MYORG: variants seen among roughly 807,000 people sequenced by gnomAD.
MYORG encodes the protein alpha-galactosidase MYORG.
MYORG carries 45 observed loss-of-function variants against 49.8 expected under a neutral mutation model. The observed-to-expected ratio is 0.90, with a 90% confidence interval of 0.71 to 1.16. MYORG has a LOEUF of 1.16. Ranked by LOEUF, MYORG falls within the 50% of genes most tolerant of loss-of-function variation. The pLI is 0.00. For missense variants in MYORG, 1,110 were observed against 1,026.5 expected, an observed-to-expected ratio of 1.08 and a Z score of -1.11; for synonymous variants, 552 against 462.9, an observed-to-expected ratio of 1.19 and a Z score of -2.47.
In MYORG at chr9:34,367,967, G is replaced by C. The variant is rs1820525640; in HGVS notation, c.*2832C>G. 2 of 152,212 alleles carry C rather than the reference G, an allele frequency of 1.3e-5. No individual in the cohort carries two copies. The highest frequency in any genetic ancestry group is 1.3e-4 in the Admixed American group (2 of 15,288). 9.4% of individuals were successfully genotyped at this position (152,212 alleles called of 1,614,324 possible). A position where few individuals can be genotyped will look rare whatever the true frequency, so the allele number is the denominator to read the frequency against. On this transcript the variant is annotated 3_prime_UTR_variant, in exon 2 of 2. Coordinates refer to ENST00000297625, the MANE Select transcript of MYORG (RefSeq NM_020702.5). ...AGCAAACTTCTGCCTGGACATACAT[G>C]CATTTCCATACATTCTCTGAAATCT...
rs1337257651 is a variant in MYORG at position 34,371,762 on chromosome 9, A to T, written c.1182T>A (p.Phe394Leu). The T allele has an allele frequency of 1.2e-6, 2 of 1,613,716 alleles. No individual in the cohort carries two copies. The highest frequency in any genetic ancestry group is 4.5e-5 in the East Asian group (2 of 44,878). The change falls in exon 2 of 2, where the codon TTT becomes TTA. Residue 394 changes from phenylalanine (F) to leucine (L), a missense_variant. By Grantham distance (22) the Phe-to-Leu change is conservative. Transcript: ENST00000297625. ...CGAAGCGCGACGAGTTGTAGTTGAC[A>T]AAAGGGTGCACCCAGAGCGTGACGC... ...GFRVTLWVHPFVNYNSSRFGE... is the reference protein window; with the variant it reads ...GFRVTLWVHPLVNYNSSRFGE...
At position 34,371,800 on chromosome 9, in the gene MYORG, C is replaced by G; in HGVS notation, c.1144G>C (p.Asp382His). Residue 382 changes from aspartate (D) to histidine (H), a missense_variant, in exon 2 of 2, where the codon GAC (aspartate) becomes CAC (histidine). Physicochemically the swap from Asp to His is moderately conservative, Grantham distance 81. Transcript: ENST00000297625. Reference protein sequence around the residue: ...NASDMFRRLRDAGFRVTLWVH... With the variant: ...NASDMFRRLRHAGFRVTLWVH... ...CAGAGCGTGACGCGGAAGCCGGCGT[C>G]GCGCAGGCGGCGGAACATGTCGCTG... 6.2e-7 allele frequency: 1 copy of G among 1,613,984 alleles called. No individual in the cohort carries two copies. Among genetic ancestry groups the G allele is most frequent in the South Asian group, 1.1e-5 (1 of 91,080 alleles).
In MYORG at chr9:34,372,527, G is replaced by A. The variant is rs1480750582; in HGVS notation, c.417C>T (p.Asp139=). The part of the protein sequence containing the change: ...GALLGCSLTA[D]GLPLHFFIQT... Reference sequence around the variant, plus strand: ...GGATGAAGAAGTGCAGCGGCAGCCCGTCGGCCGTGAGCGAGCAGCCCAGCA... The same window carrying A: ...GGATGAAGAAGTGCAGCGGCAGCCCATCGGCCGTGAGCGAGCAGCCCAGCA... The change falls in exon 2 of 2, where the codon GAC becomes GAT. Residue 139 remains aspartate (D), a synonymous_variant. Transcript: ENST00000297625. 4 of 1,600,734 alleles carry A rather than the reference G, an allele frequency of 2.5e-6. No individual in the cohort carries two copies. The highest frequency in any genetic ancestry group is 3.4e-6 in the Non-Finnish European group (4 of 1,174,518).
rs1820538605 is a variant in MYORG at position 34,368,816 on chromosome 9, T to C, written c.*1983A>G. 2 of 152,664 alleles carry C rather than the reference T, an allele frequency of 1.3e-5. No individual in the cohort carries two copies. The highest frequency in any genetic ancestry group is 4.8e-5 in the African/African-American group (2 of 41,464). 9.5% of individuals were successfully genotyped at this position (152,664 alleles called of 1,614,324 possible). A position where few individuals can be genotyped will look rare whatever the true frequency, so the allele number is the denominator to read the frequency against. On this transcript the variant is annotated 3_prime_UTR_variant, in exon 2 of 2. Transcript: ENST00000297625. ...CAGTTCCAAAGTTGCTTCCACATTT[T>C]TGGGTATTTACAGCAGCGCCCCACT...
chr9:34,371,318 G>T lies in MYORG; in HGVS notation c.1626C>A (p.Ser542Arg). The change falls in exon 2 of 2, where the codon AGC becomes AGA. Residue 542 changes from serine (S) to arginine (R), a missense_variant. Ser to Arg is a moderately radical substitution (Grantham distance 110). Coordinates refer to ENST00000297625, the MANE Select transcript of MYORG (RefSeq NM_020702.5). ...RSLIPAVLTV[S>R]MLGYPFILPD... ...GTAGGATGAATGGGTAGCCCAGCAT[G>T]CTGACGGTGAGCACCGCGGGGATGA... The T allele has an allele frequency of 6.2e-7, 1 of 1,612,466 alleles. No individual in the cohort carries two copies. Among genetic ancestry groups the T allele is most frequent in the South Asian group, 1.1e-5 (1 of 90,872 alleles).
chr9:34,370,964 C>G lies in MYORG; in HGVS notation c.1980G>C (p.Leu660=), dbSNP rs781663487. Residue 660 remains leucine, a synonymous_variant, in exon 2 of 2, where the codon CTG becomes CTC. Transcript: ENST00000297625. The part of the protein sequence containing the change: ...IDSQFLIGDT[L]LVAPVLEPGK... ...CTGGCTCCAGCACCGGGGCCACAAG[C>G]AGCGTGTCCCCAATAAGGAACTGCG... 26 of 1,613,586 alleles carry G rather than the reference C, an allele frequency of 1.6e-5. No homozygotes were observed. In the South Asian group the frequency reaches 2.2e-4, roughly 14 times the overall value.
rs751961772 is a variant in MYORG at position 34,372,580 on chromosome 9, G to A, written c.364C>T (p.Leu122Phe). ...GCGCCATCGCGGCTGCAGGAGTCAAGGTCCAGCGCGCCGGAGCGGAAGGCC... is the reference window on the plus strand; with the variant it reads ...GCGCCATCGCGGCTGCAGGAGTCAAAGTCCAGCGCGCCGGAGCGGAAGGCC... ...RLAFRSGALD[L>F]DSCSRDGALL... The change falls in exon 2 of 2, where the codon CTT (leucine) becomes TTT (phenylalanine). Residue 122 changes from leucine to phenylalanine, a missense_variant. Physicochemically the swap from Leu to Phe is conservative, Grantham distance 22 (BLOSUM62 0). Coordinates refer to ENST00000297625, the MANE Select transcript of MYORG (RefSeq NM_020702.5). 1.1e-5 allele frequency: 17 copies of A among 1,602,808 alleles called. No individual in the cohort carries two copies. The highest frequency in any genetic ancestry group is 8.0e-5 in the African/African-American group (6 of 74,768).
chr9:34,372,026 C>T lies in MYORG; in HGVS notation c.918G>A (p.Arg306=), dbSNP rs546514908. Residue 306 remains arginine (R), a synonymous_variant, in exon 2 of 2, where the codon AGG becomes AGA. Coordinates refer to ENST00000297625, the MANE Select transcript of MYORG (RefSeq NM_020702.5). The part of the protein sequence containing the change: ...MVRRYFNKPS[R]VPAPEAFRDP... ...CTCGGAAGGCCTCGGGTGCTGGCAC[C>T]CTTGACGGCTTGTTGAAGTAGCGAC... is the stretch of plus-strand genomic sequence containing the variant. 1 of 1,614,010 alleles carries T rather than the reference C, an allele frequency of 6.2e-7. No individual in the cohort carries two copies. Among genetic ancestry groups the T allele is most frequent in the African/African-American group, 1.3e-5 (1 of 75,064 alleles).
chr9:34,371,923 G>A lies in MYORG; in HGVS notation c.1021C>T (p.Arg341Cys). The change falls in exon 2 of 2, where the codon CGC becomes TGC. Residue 341 changes from arginine to cysteine, a missense_variant. Arg to Cys is a radical substitution (Grantham distance 180). Coordinates refer to ENST00000297625, the MANE Select transcript of MYORG (RefSeq NM_020702.5). ...DKVLRFAQQI[R>C]LHHFNSSHLE... ...TGGCTGCTGTTGAAGTGGTGCAGGC[G>A]GATCTGTTGGGCAAAACGCAGCACC... 1.2e-6 allele frequency: 2 copies of A among 1,614,052 alleles called. No homozygotes were observed. The highest frequency in any genetic ancestry group is 1.7e-6 in the Non-Finnish European group (2 of 1,179,888).
rs760688755 is a variant in MYORG, at chr9:34,371,093, C to G, written c.1851G>C (p.Pro617=). The G allele has an allele frequency of 6.2e-7, 1 of 1,609,268 alleles. No homozygotes were observed. The highest frequency in any genetic ancestry group is 8.5e-7 in the Non-Finnish European group (1 of 1,177,058). The part of the protein sequence containing the change: ...FAALRASLVA[P]LLLELAGEVT... ...CCTCGCCCGCCAGCTCAAGCAACAG[C>G]GGTGCCACAAGCGAGGCCCGCAGGG... The change falls in exon 2 of 2, where the codon CCG becomes CCC. Residue 617 remains proline, a synonymous_variant. Transcript: ENST00000297625.
chr9:34,372,149 C>T lies in MYORG; in HGVS notation c.795G>A (p.Thr265=), dbSNP rs1193784865. 6.2e-7 allele frequency: 1 copy of T among 1,611,458 alleles called. No individual in the cohort carries two copies. The highest frequency in any genetic ancestry group is 1.7e-5 in the Admixed American group (1 of 59,956). Residue 265 remains threonine, a synonymous_variant, in exon 2 of 2, where the codon ACG becomes ACA. Transcript: ENST00000297625. Reference sequence around the variant, plus strand: ...CGCGGCCGGCGGGTGGCTTGTAGGGCGTGTCGTGGTAGCGCGCCTGAAGCC... The same window carrying T: ...CGCGGCCGGCGGGTGGCTTGTAGGGTGTGTCGTGGTAGCGCGCCTGAAGCC... The part of the protein sequence containing the change: ...SLRLQARYHD[T]PYKPPAGRAA...
Position 34,372,248 on chromosome 9 carries a change from C to T in MYORG, c.696G>A (p.Ser232=), listed in dbSNP as rs933149260. 2 of 1,610,450 alleles carry T rather than the reference C, an allele frequency of 1.2e-6. No homozygotes were observed. The highest frequency in any genetic ancestry group is 8.5e-7 in the Non-Finnish European group (1 of 1,179,010). ...GGILERYWLS[S]RAAAIKVNDS... ...CATTGACTTTGATGGCGGCCGCGCG[C>T]GAAGATAGCCAGTAGCGCTCGAGGA... Residue 232 remains serine, a synonymous_variant, in exon 2 of 2, where the codon TCG becomes TCA. Coordinates refer to ENST00000297625, the MANE Select transcript of MYORG (RefSeq NM_020702.5).
At chr9:34,375,354 A>G (rs770695765) in intron 1 of MYORG, among the ~76,000 whole-genome samples, 2 of 152,176 alleles carry the variant, frequency 1.3e-5, no homozygotes, top group Non-Finnish European at 1.5e-5. Flanking sequence ...CAGCTGCCTA[A>G]GCTTGTCAGC....
chr9:34,373,186 T>C (rs1388724265), intron 1 of MYORG, among the ~76,000 whole-genome samples, 180 bp from the exon 2 acceptor site: 1 of 152,192 alleles, frequency 6.6e-6, no homozygotes, highest in Non-Finnish European at 1.5e-5. Flanking sequence ...CCCTTTCTCA[T>C]GGGACCTAAT....
chr9:34,373,080 A>C, intron 1 of MYORG, 74 bp from the exon 2 acceptor site: 3 of 1,103,792 alleles, frequency 2.7e-6, no homozygotes, highest in Non-Finnish European at 3.9e-6. Flanking sequence ...GCAAGCTAAG[A>C]GGAGGTGTAT....
intron 1 of MYORG, among the ~76,000 whole-genome samples, chr9:34,375,811 G>A (rs993763479): frequency 6.6e-6 from 1 of 152,174 alleles, no homozygotes; most frequent in African/African-American, 2.4e-5. Context: ...GAAGCCCACA[G>A]GCCTGGGCAC....
In MYORG at chr9:34,371,712, A is replaced by G. The variant is rs748675959; in HGVS notation, c.1232T>C (p.Phe411Ser). 1 of 1,611,544 alleles carries G rather than the reference A, an allele frequency of 6.2e-7. No individual in the cohort carries two copies. Among genetic ancestry groups the G allele is most frequent in the South Asian group, 1.1e-5 (1 of 90,856 alleles). The change falls in exon 2 of 2, where the codon TTC (phenylalanine) becomes TCC (serine). Residue 411 changes from phenylalanine (F) to serine (S), a missense_variant. Coordinates refer to ENST00000297625, the MANE Select transcript of MYORG (RefSeq NM_020702.5). ...TAACCGGCCCGTGGGTTCGCGCACG[A>G]ACAGCTCGCGCTCCACGCCCTCGCC... The part of the protein sequence containing the change: ...RFGEGVEREL[F>S]VREPTGRLPA...
chr9:34,375,527 CTT>C (rs1234302079), intron 1 of MYORG, among the ~76,000 whole-genome samples: 1 of 152,196 alleles, frequency 6.6e-6, no homozygotes, highest in Non-Finnish European at 1.5e-5. Context: ...CCAAAGAAGG[CTT>C]TAGGTGGCTC....
At position 34,370,904 on chromosome 9, in the gene MYORG, G is replaced by A; in HGVS notation, c.2040C>T (p.Gly680=). 3 of 1,613,342 alleles carry A rather than the reference G, an allele frequency of 1.9e-6. No individual in the cohort carries two copies. The highest frequency in any genetic ancestry group is 8.5e-7 in the Non-Finnish European group (1 of 1,179,556). The change falls in exon 2 of 2, where the codon GGC becomes GGT. Residue 680 remains glycine, a synonymous_variant. Coordinates refer to ENST00000297625, the MANE Select transcript of MYORG (RefSeq NM_020702.5). ...KQERDVYLPA[G]KWRSYKGELF... is the part of the protein sequence containing the mutation. ...GCTCACCCTTGTAGCTGCGCCACTTGCCGGCGGGCAAATAGACGTCGCGCT... is the reference window on the plus strand; with the variant it reads ...GCTCACCCTTGTAGCTGCGCCACTTACCGGCGGGCAAATAGACGTCGCGCT...
Sources: gnomAD v4.1 joint callset for allele counts (sites outside exome capture counted in the v4.1 genomes callset) on GRCh38, gnomAD v4.1.1 for gene constraint, MANE v1.5 for transcripts, NCBI Gene and HGNC (gene_info 2026-07-23, HGNC 2026-07-21) for gene names.